PIK3AP1: variants seen among roughly 807,000 people sequenced by gnomAD.
PIK3AP1 encodes the protein phosphoinositide 3-kinase adapter protein 1.
PIK3AP1 carries 21 observed loss-of-function variants against 88.1 expected under a neutral mutation model. That is an observed-to-expected ratio of 0.24 (90% confidence interval 0.17 to 0.34). PIK3AP1 has a LOEUF of 0.34. Among genes scored for constraint, PIK3AP1 ranks in the 10% least tolerant of loss-of-function variants. The probability of loss-of-function intolerance (pLI) is 1.00; values close to 1 mark genes in which losing one functional copy is unlikely to be tolerated. For synonymous variants in PIK3AP1, 398 were observed against 400.0 expected, an observed-to-expected ratio of 1.00 and a Z score of 0.06; for missense variants, 828 against 1,035.7, an observed-to-expected ratio of 0.80 and a Z score of 2.75.
intron 2 of PIK3AP1, among the ~76,000 whole-genome samples, chr10:96,688,321 G>A (rs1483076058): frequency 6.6e-6 from 1 of 152,020 alleles, no homozygotes; most frequent in Non-Finnish European, 1.5e-5. Context: ...CAAAGGGCGA[G>A]GATAAGTCAC....
In PIK3AP1 at chr10:96,593,974, T is replaced by A. The variant is rs1378730519; in HGVS notation, c.*1603A>T. The A allele has an allele frequency of 6.6e-6, 1 of 152,230 alleles. No individual in the cohort carries two copies. The highest frequency in any genetic ancestry group is 6.5e-5 in the Admixed American group (1 of 15,286). 9.4% of individuals were successfully genotyped at this position (152,230 alleles called of 1,614,324 possible). A position where few individuals can be genotyped will look rare whatever the true frequency, so the allele number is the denominator to read the frequency against. On this transcript the variant is annotated 3_prime_UTR_variant, in exon 17 of 17. Coordinates refer to ENST00000339364, the MANE Select transcript of PIK3AP1 (RefSeq NM_152309.3). ...CTTAAATGGATCATTAATGTGGATT[T>A]TTTTACATTCGTGTGGGATAGAGAA...
chr10:96,670,882 G>C (rs190985422), intron 2 of PIK3AP1, among the ~76,000 whole-genome samples: 5 of 152,292 alleles, frequency 3.3e-5, no homozygotes, highest in Admixed American at 2.0e-4. Flanking sequence ...AGCAAGCGCT[G>C]CCTCCAGATG....
intron 8 of PIK3AP1, among the ~76,000 whole-genome samples, chr10:96,645,002 G>A (rs1843439863): frequency 6.6e-6 from 1 of 151,950 alleles, no homozygotes; most frequent in South Asian, 2.1e-4. Context: ...TGACTCTTTT[G>A]TCATGACTTC....
chr10:96,698,669 G>A (rs1426276024), intron 2 of PIK3AP1, among the ~76,000 whole-genome samples: 1 of 152,078 alleles, frequency 6.6e-6, no homozygotes, highest in Non-Finnish European at 1.5e-5. Context: ...AGAGGGAGAG[G>A]TTGCGGTGAG....
intron 1 of PIK3AP1, among the ~76,000 whole-genome samples, chr10:96,719,172 T>C (rs2134300396): frequency 6.6e-6 from 1 of 152,342 alleles, no homozygotes; most frequent in Non-Finnish European, 1.5e-5. Context: ...GCCAGGAGGC[T>C]GTGATTAACT....
At chr10:96,649,858 C>T (rs990161449) in intron 6 of PIK3AP1, among the ~76,000 whole-genome samples, 5 of 152,226 alleles carry the variant, frequency 3.3e-5, no homozygotes, top group African/African-American at 1.2e-4. Flanking sequence ...GGACCCCCTC[C>T]ACCTACTGAC....
intron 9 of PIK3AP1, among the ~76,000 whole-genome samples, chr10:96,627,517 A>G (rs1247090178): frequency 1.3e-5 from 2 of 152,228 alleles, no homozygotes; most frequent in African/African-American, 4.8e-5. Context: ...TTTATAAGAC[A>G]GGCAGATGGC....
chr10:96,609,080 G>A (rs1419558160), intron 14 of PIK3AP1, among the ~76,000 whole-genome samples: 1 of 152,204 alleles, frequency 6.6e-6, no homozygotes, highest in Non-Finnish European at 1.5e-5. Context: ...CAAAAGGAAG[G>A]CATTTCCTAA....
intron 2 of PIK3AP1, among the ~76,000 whole-genome samples, chr10:96,703,639 T>G (rs923668720): frequency 1.3e-5 from 2 of 152,222 alleles, no homozygotes; most frequent in African/African-American, 2.4e-5. Flanking sequence ...TTCTGTGCTG[T>G]ACCTGGGGTT....
chr10:96,598,669 G>C (rs538342801), intron 16 of PIK3AP1, among the ~76,000 whole-genome samples: 1 of 152,358 alleles, frequency 6.6e-6, no homozygotes, highest in Admixed American at 6.5e-5. Flanking sequence ...GAATATAATA[G>C]AAGTGCTTGG....
intron 14 of PIK3AP1, among the ~76,000 whole-genome samples, chr10:96,606,273 C>A (rs1396467426): frequency 1.3e-5 from 2 of 152,202 alleles, no homozygotes; most frequent in African/African-American, 4.8e-5. Flanking sequence ...CCCCACATTC[C>A]CCCAACTAAA....
intron 3 of PIK3AP1, among the ~76,000 whole-genome samples, chr10:96,654,122 G>A (rs566635263): frequency 6.6e-6 from 1 of 152,170 alleles, no homozygotes; most frequent in South Asian, 2.1e-4. Context: ...TGCAGTCCTG[G>A]ATTTTACCAC....
At chr10:96,614,827 G>A (rs1370588158) in intron 13 of PIK3AP1, among the ~76,000 whole-genome samples, 1 of 152,218 alleles carries the variant, frequency 6.6e-6, no homozygotes, top group African/African-American at 2.4e-5. Flanking sequence ...CTCCATCACT[G>A]TACTGTTCTG....
At chr10:96,673,281 G>A (rs534884902) in intron 2 of PIK3AP1, among the ~76,000 whole-genome samples, 13 of 152,252 alleles carry the variant, frequency 8.5e-5, no homozygotes, top group East Asian at 1.9e-4. Flanking sequence ...TCAGCGTCTC[G>A]GGCTGCATCT....
chr10:96,628,548 G>T, intron 8 of PIK3AP1, 55 bp from the exon 9 acceptor site: 1 of 1,359,698 alleles, frequency 7.4e-7, no homozygotes, highest in South Asian at 1.2e-5. Context: ...CAGGCAAGGA[G>T]ATTTTTACAG....
At chr10:96,635,806 G>A (rs1042666780) in intron 8 of PIK3AP1, among the ~76,000 whole-genome samples, 6 of 152,222 alleles carry the variant, frequency 3.9e-5, no homozygotes, top group African/African-American at 1.4e-4. Context: ...TTGGGAGGCT[G>A]AGGCAGGAGA....
chr10:96,707,764 G>C (rs564343674), intron 2 of PIK3AP1, among the ~76,000 whole-genome samples: 2 of 152,278 alleles, frequency 1.3e-5, no homozygotes, highest in African/African-American at 4.8e-5. Flanking sequence ...TCAGTTTTTT[G>C]TAAGTTTGGG....
chr10:96,673,623 C>CT (rs1336942176), intron 2 of PIK3AP1, among the ~76,000 whole-genome samples: 1 of 152,164 alleles, frequency 6.6e-6, no homozygotes, highest in Admixed American at 6.5e-5. Flanking sequence ...AATAACTCAC[C>CT]TTTTCACAGG....
At chr10:96,705,208 A>T (rs1476161005) in intron 2 of PIK3AP1, among the ~76,000 whole-genome samples, 1 of 152,126 alleles carries the variant, frequency 6.6e-6, no homozygotes, top group East Asian at 1.9e-4. Flanking sequence ...TTCAGTTGGG[A>T]GTCAAAAACC....
Sources: allele counts gnomAD v4.1 joint callset (sites outside exome capture counted in the v4.1 genomes callset), GRCh38; gene constraint gnomAD v4.1.1; transcripts MANE v1.5; gene names NCBI Gene and HGNC (gene_info 2026-07-23, HGNC 2026-07-21).